Variants in API5 observed in about 807,000 individuals in gnomAD.
API5 encodes the protein FIF.
API5 carries 6 observed loss-of-function variants against 71.9 expected under a neutral mutation model. That is an observed-to-expected ratio of 0.08 (90% CI 0.05 to 0.16). The LOEUF (loss-of-function observed/expected upper bound fraction) is 0.16. Ranked by LOEUF, API5 falls within the 10% of genes least tolerant of loss-of-function variation. The pLI is 1.00. For synonymous variants in API5, 189 were observed against 221.3 expected, an observed-to-expected ratio of 0.85 and a Z score of 1.30; for missense variants, 332 against 612.8, an observed-to-expected ratio of 0.54 and a Z score of 4.84.
At position 43,325,593 on chromosome 11, in the gene API5, TGA is replaced by T. The variant is rs200286269; in HGVS notation, c.751-912_751-911del. Among the ~76,000 whole-genome samples the T allele has an allele frequency of 4.5e-3, 687 of 152,312 alleles. 4 individuals carry two copies. Among genetic ancestry groups the T allele is most frequent in the African/African-American group, 0.016 (646 of 41,568 alleles). ...TGAAGTTTAACAAACTTCCTACTGA[TGA>T]GTGTCAAAACCATTGCACTCAGATT... On this transcript the variant is annotated intron_variant, in intron 6 of 13. Transcript: ENST00000531273.
intron 13 of API5, among the ~76,000 whole-genome samples, chr11:43,337,298 G>A (rs1218182873): frequency 6.6e-6 from 1 of 152,112 alleles, no homozygotes; most frequent in African/African-American, 2.4e-5. Flanking sequence ...CTGCACTCCA[G>A]CTGGGTGACC....
chr11:43,341,089 C>G (rs990901700), intron 13 of API5, among the ~76,000 whole-genome samples: 1 of 152,102 alleles, frequency 6.6e-6, no homozygotes, highest in African/African-American at 2.4e-5. Context: ...CAAAACAAAT[C>G]TAGATTAAAA....
In API5 at chr11:43,320,864, G is replaced by A. The variant is rs1854864621; in HGVS notation, c.275G>A (p.Gly92Glu). ...AIKELPQFAT[G>E]ENLPRVADIL... ...AAAGAACTGCCTCAATTTGCCACTGGAGAAAATCTTCCTCGAGTGGCAGAT... is the reference window on the plus strand; with the variant it reads ...AAAGAACTGCCTCAATTTGCCACTGAAGAAAATCTTCCTCGAGTGGCAGAT... Residue 92 changes from glycine (G) to glutamate (E), a missense_variant, in exon 3 of 14, where the codon GGA (glycine) becomes GAA (glutamate). Gly to Glu is a moderately conservative substitution (Grantham distance 98). This residue lies in a region of API5 where 127 missense variants were observed against 237.6 expected (regional missense o/e 0.53). Transcript: ENST00000531273. 6.2e-7 allele frequency: 1 copy of A among 1,612,094 alleles called. No homozygotes were observed. Among genetic ancestry groups the A allele is most frequent in the Non-Finnish European group, 8.5e-7 (1 of 1,180,008 alleles).
Position 43,342,794 on chromosome 11 carries a change from TTTG to T in API5, c.*291_*293del, listed in dbSNP as rs568896893. On this transcript the variant is annotated 3_prime_UTR_variant, in exon 14 of 14. Coordinates refer to ENST00000531273, the MANE Select transcript of API5 (RefSeq NM_001142930.2). ...GTGAATCTTTTAAACATCTTGATAA[TTTG>T]TTGTTGAGAGCTGTTCATTCTAAAA... is the stretch of plus-strand genomic sequence containing the variant. The T allele has an allele frequency of 9.0e-3, 5,450 of 604,164 alleles. 44 individuals are homozygous for T. The highest frequency in any genetic ancestry group is 0.013 in the Non-Finnish European group (4,260 of 339,316). The allele number at this position is 604,164 out of a possible 1,614,324, so 37.4% of individuals were successfully genotyped here. A position where few individuals can be genotyped will look rare whatever the true frequency, so the allele number is the denominator to read the frequency against.
Position 43,343,837 on chromosome 11 carries a change from C to G in API5, c.*1327C>G, listed in dbSNP as rs1244588518. 6.6e-6 allele frequency: 1 copy of G among 152,590 alleles called. No homozygotes were observed. Among genetic ancestry groups the G allele is most frequent in the Non-Finnish European group, 1.5e-5 (1 of 68,042 alleles). The allele number at this position is 152,590 out of a possible 1,614,324, so 9.5% of individuals were successfully genotyped here. A position where few individuals can be genotyped will look rare whatever the true frequency, so the allele number is the denominator to read the frequency against. On this transcript the variant is annotated 3_prime_UTR_variant, in exon 14 of 14. Transcript: ENST00000531273. ...CAAGTTTGCTATTCAAATCAACTGC[C>G]TGAATGACATTTCTAGTAGTCTGAT... is the stretch of plus-strand genomic sequence containing the variant.
intron 2 of API5, chr11:43,319,097 G>T: frequency 3.4e-6 from 1 of 297,990 alleles, no homozygotes; most frequent in Non-Finnish European, 6.2e-6. Flanking sequence ...TATTCATTGT[G>T]CATATGAAAT....
chr11:43,313,428 C>T (rs1431326232), intron 1 of API5, among the ~76,000 whole-genome samples: 3 of 152,204 alleles, frequency 2.0e-5, no homozygotes, highest in African/African-American at 7.2e-5. Flanking sequence ...AGAAATCCCA[C>T]ACCATAGCTT....
At chr11:43,313,943 GCCA>G (rs1854581410) in intron 1 of API5, among the ~76,000 whole-genome samples, 1 of 152,044 alleles carries the variant, frequency 6.6e-6, no homozygotes, top group Admixed American at 6.6e-5. Flanking sequence ...ACAAAAATTA[GCCA>G]GGCGTGGTGG....
intron 11 of API5, 65 bp from the exon 12 acceptor site, chr11:43,335,213 C>G: frequency 8.7e-7 from 1 of 1,154,748 alleles, no homozygotes; most frequent in South Asian, 1.2e-5. Flanking sequence ...CGTTTCCTAC[C>G]CTCACCACCA....
chr11:43,337,557 T>C (rs1855477768), intron 13 of API5, among the ~76,000 whole-genome samples: 1 of 152,190 alleles, frequency 6.6e-6, no homozygotes, highest in African/African-American at 2.4e-5. Flanking sequence ...CATAACAGTA[T>C]GTAAATGTGC....
At position 43,335,848 on chromosome 11, in the gene API5, A is replaced by G; in HGVS notation, c.1356-10A>G. 1.3e-6 allele frequency: 2 copies of G among 1,594,320 alleles called. No homozygotes were observed. Among genetic ancestry groups the G allele is most frequent in the Non-Finnish European group, 1.7e-6 (2 of 1,174,662 alleles). On this transcript the variant is annotated splice_polypyrimidine_tract_variant and intron_variant, in intron 12 of 13. Transcript: ENST00000531273. ...ATGTTTTTGAATTGCTCTTCTTCCT[A>G]TTGTTACAGGCAAAAGAGAGCCAGT...
At chr11:43,326,733 G>GT (rs1855089281) in intron 7 of API5, 122 bp downstream of exon 7, 1 of 616,532 alleles carries the variant, frequency 1.6e-6, no homozygotes. Context: ...TGGCCAGCCA[G>GT]TAATCTCCCT....
intron 1 of API5, 155 bp from the exon 2 acceptor site, chr11:43,318,485 A>G (rs1307893362): frequency 1.3e-6 from 2 of 1,537,858 alleles, no homozygotes; most frequent in African/African-American, 1.4e-5. Context: ...TTGGGAAGGT[A>G]AGTGTCAGTT....
chr11:43,336,248 G>A (rs1389113118), intron 13 of API5: 4 of 443,316 alleles, frequency 9.0e-6, no homozygotes, highest in African/African-American at 8.1e-5. Flanking sequence ...TGTATTCAGA[G>A]GAACCAACAG....
intron 2 of API5, 68 bp downstream of exon 2, chr11:43,318,869 G>A: frequency 2.0e-6 from 3 of 1,465,364 alleles, no homozygotes; most frequent in Non-Finnish European, 2.8e-6. Context: ...TACAATTGGA[G>A]TAGCAATCTG....
chr11:43,335,384 T>C (rs1855398448), intron 12 of API5, 30 bp downstream of exon 12: 1 of 1,416,728 alleles, frequency 7.1e-7, no homozygotes, highest in Non-Finnish European at 9.9e-7. Context: ...GAGATTTAAG[T>C]GTTATCAAAA....
intron 1 of API5, among the ~76,000 whole-genome samples, chr11:43,314,119 A>G (rs1424665822): frequency 3.9e-5 from 6 of 152,080 alleles, no homozygotes; most frequent in Non-Finnish European, 8.8e-5. Context: ...AAAAAGATAC[A>G]AACTATGTGT....
At position 43,344,435 on chromosome 11, in the gene API5, A is replaced by G. The variant is rs1266115828; in HGVS notation, c.*1925A>G. 6.6e-6 allele frequency: 1 copy of G among 152,562 alleles called. No homozygotes were observed. Among genetic ancestry groups the G allele is most frequent in the Non-Finnish European group, 1.5e-5 (1 of 68,030 alleles). 9.5% of individuals were successfully genotyped at this position (152,562 alleles called of 1,614,324 possible). A position where few individuals can be genotyped will look rare whatever the true frequency, so the allele number is the denominator to read the frequency against. The stretch of plus-strand genomic sequence containing the variant: ...GAATTTGAATGAAAAACTTAATGCC[A>G]TGGATTTTTTTCTTTTGCAAGACAC... On this transcript the variant is annotated 3_prime_UTR_variant, in exon 14 of 14. Coordinates refer to ENST00000531273, the MANE Select transcript of API5 (RefSeq NM_001142930.2).
intron 13 of API5, 185 bp downstream of exon 13, chr11:43,336,179 G>T (rs1855426963): frequency 1.3e-6 from 1 of 742,776 alleles, no homozygotes. Flanking sequence ...ACCCTTCTGG[G>T]CTGACTGTAT....
Sources: allele counts gnomAD v4.1 joint callset (sites outside exome capture counted in the v4.1 genomes callset), GRCh38; gene constraint gnomAD v4.1.1; regional missense constraint gnomAD v4.1.1; transcripts MANE v1.5; gene names NCBI Gene and HGNC (gene_info 2026-07-23, HGNC 2026-07-21).